The following VTI1A variants were observed in gnomAD, a reference collection of about 807,000 sequenced individuals.
The protein encoded by VTI1A is vesicle transport through interaction with t-SNAREs 1A, also known as vesicle transport through interaction with t-SNAREs homolog 1A.
VTI1A carries 22 observed loss-of-function variants against 34.9 expected under a neutral mutation model. The observed-to-expected ratio is 0.63, with a 90% CI of 0.45 to 0.90. VTI1A has a LOEUF of 0.90. Among genes scored for constraint, VTI1A ranks in the 40% least tolerant of loss-of-function variants. The pLI, the probability that VTI1A is intolerant of heterozygous loss-of-function variation, is 0.00. For synonymous variants in VTI1A, 87 were observed against 97.3 expected (o/e 0.89, Z 0.62); for missense variants, 268 against 275.6 (o/e 0.97, Z 0.20).
At chr10:112,737,183 G>A (rs1850515231) in intron 7 of VTI1A, 8 of 395,936 alleles carry the variant, frequency 2.0e-5, no homozygotes, top group Non-Finnish European at 2.9e-5. Context: ...CGATTCTCTT[G>A]CCTCAGCCTC....
At chr10:112,610,587 C>T (rs376612444) in intron 5 of VTI1A, among the ~76,000 whole-genome samples, 1 of 152,138 alleles carries the variant, frequency 6.6e-6, no homozygotes, top group South Asian at 2.1e-4. Flanking sequence ...GCTTTGATAG[C>T]TTATTACTCA....
rs372188173 is a variant in VTI1A at position 112,736,111 on chromosome 10, G to GTATATATATATA, written c.560+67129_560+67140dup. Among the ~76,000 whole-genome samples, 553 of 116,144 alleles carry GTATATATATATA rather than the reference G, an allele frequency of 4.8e-3. 5 individuals are homozygous for GTATATATATATA. Among genetic ancestry groups the GTATATATATATA allele is most frequent in the East Asian group, 0.02 (83 of 4,178 alleles). 76.2% of individuals were successfully genotyped at this position (116,144 alleles called of 152,430 possible). A position where few individuals can be genotyped will look rare whatever the true frequency, so the allele number is the denominator to read the frequency against. ...ATATTTTACATATATATGTGTGTGT[G>GTATATATATATA]TATATATATATATATATATATATAT... On this transcript the variant is annotated intron_variant, in intron 7 of 7. Coordinates refer to ENST00000393077, the MANE Select transcript of VTI1A (RefSeq NM_145206.4).
intron 7 of VTI1A, among the ~76,000 whole-genome samples, chr10:112,677,107 G>A (rs1051992253): frequency 3.9e-5 from 6 of 152,288 alleles, no homozygotes; most frequent in Admixed American, 2.6e-4. Context: ...TGATGTTCTA[G>A]ACATGAGAAC....
chr10:112,653,825 A>G (rs1847127228), intron 5 of VTI1A, among the ~76,000 whole-genome samples: 1 of 152,150 alleles, frequency 6.6e-6, no homozygotes, highest in African/African-American at 2.4e-5. Flanking sequence ...GTTTCAACCT[A>G]CGTGCTTGTT....
intron 5 of VTI1A, among the ~76,000 whole-genome samples, chr10:112,623,233 T>C (rs147807362): frequency 1.2e-4 from 19 of 152,310 alleles, no homozygotes; most frequent in African/African-American, 4.3e-4. Flanking sequence ...TTTATCCTTC[T>C]TAAGTAAACA....
chr10:112,527,222 C>G, intron 4 of VTI1A, 58 bp downstream of exon 4: 1 of 1,476,280 alleles, frequency 6.8e-7, no homozygotes, highest in East Asian at 2.3e-5. Context: ...AGGTCACTGG[C>G]GCACTGGGCT....
intron 2 of VTI1A, among the ~76,000 whole-genome samples, chr10:112,460,915 C>G (rs932213057): frequency 6.6e-6 from 1 of 152,142 alleles, no homozygotes; most frequent in Non-Finnish European, 1.5e-5. Context: ...ATTTAATTTT[C>G]TCAATAACCA....
At chr10:112,576,187 A>C (rs1843705275) in intron 5 of VTI1A, among the ~76,000 whole-genome samples, 1 of 148,452 alleles carries the variant, frequency 6.7e-6, no homozygotes, top group East Asian at 2.0e-4. Context: ...CGCCCGGCTA[A>C]TTTTTTGTGT....
At position 112,673,420 on chromosome 10, in the gene VTI1A, G is replaced by A. The variant is rs192144274; in HGVS notation, c.560+4422G>A. ...AAATCAAATAATTTCCTCTCTCCCC[G>A]ACACTACCTATATTTGCCCCCATTC... On this transcript the variant is annotated intron_variant, in intron 7 of 7. Transcript: ENST00000393077. Among the ~76,000 whole-genome samples, 133 of 151,498 alleles carry A rather than the reference G, an allele frequency of 8.8e-4. 1 individual carries two copies. The highest frequency in any genetic ancestry group is 3.0e-3 in the African/African-American group (124 of 41,316).
intron 5 of VTI1A, among the ~76,000 whole-genome samples, chr10:112,579,117 G>GATGCCGTATCCCAGTACCCTT (rs1589929197): frequency 1.3e-5 from 2 of 152,342 alleles, no homozygotes; most frequent in East Asian, 3.9e-4. Flanking sequence ...ACACTTAAGA[G>GATGCCGTATCCCAGTACCCTT]ATGCCGTATC....
intron 7 of VTI1A, among the ~76,000 whole-genome samples, chr10:112,680,609 A>G (rs932015085): frequency 1.3e-5 from 2 of 152,098 alleles, no homozygotes; most frequent in Non-Finnish European, 2.9e-5. Context: ...TCAAAACTCT[A>G]CTCCTAGGTA....
At chr10:112,595,553 A>G (rs1055189730) in intron 5 of VTI1A, among the ~76,000 whole-genome samples, 1 of 152,264 alleles carries the variant, frequency 6.6e-6, no homozygotes, top group Admixed American at 6.5e-5. Context: ...CAAAAGACAC[A>G]TGAAAAAATG....
intron 3 of VTI1A, among the ~76,000 whole-genome samples, chr10:112,511,245 GTT>G (rs765282385): frequency 7.0e-6 from 1 of 142,468 alleles, no homozygotes; most frequent in African/African-American, 2.6e-5. Flanking sequence ...TACATGTGAG[GTT>G]TTTTTTTTTT....
chr10:112,770,406 T>C (rs879726892), intron 7 of VTI1A, among the ~76,000 whole-genome samples: 2 of 151,970 alleles, frequency 1.3e-5, no homozygotes, highest in African/African-American at 4.8e-5. Flanking sequence ...TTTTCTTTTT[T>C]TTTTTTTGAG....
the VTI1A span, among the ~76,000 whole-genome samples, chr10:112,839,128 G>C: frequency 6.6e-6 from 1 of 152,226 alleles, no homozygotes; most frequent in Non-Finnish European, 1.5e-5. Flanking sequence ...CTCAAGAGCA[G>C]GAAGAGCAGA....
chr10:112,782,538 C>A (rs1011792318), intron 7 of VTI1A, among the ~76,000 whole-genome samples: 1 of 152,220 alleles, frequency 6.6e-6, no homozygotes, highest in African/African-American at 2.4e-5. Flanking sequence ...TAAAGAGCAG[C>A]TTGTAGTTGA....
At chr10:112,522,419 G>A (rs1850059529) in intron 3 of VTI1A, among the ~76,000 whole-genome samples, 1 of 152,042 alleles carries the variant, frequency 6.6e-6, no homozygotes, top group Admixed American at 6.6e-5. Context: ...ACTGCACTCT[G>A]TATCAATTAT....
At chr10:112,477,987 C>G (rs1380302115) in intron 3 of VTI1A, among the ~76,000 whole-genome samples, 14 of 152,046 alleles carry the variant, frequency 9.2e-5, no homozygotes, top group African/African-American at 2.9e-4. Flanking sequence ...TAGCATCTTG[C>G]AGATTTATAT....
At chr10:112,531,995 G>T (rs1850462379) in intron 4 of VTI1A, among the ~76,000 whole-genome samples, 1 of 152,006 alleles carries the variant, frequency 6.6e-6, no homozygotes, top group Non-Finnish European at 1.5e-5. Flanking sequence ...TAAAAATAAA[G>T]AAAGCTTCTT....
Sources: allele counts gnomAD v4.1 joint callset (sites outside exome capture counted in the v4.1 genomes callset), GRCh38; gene constraint gnomAD v4.1.1; transcripts MANE v1.5; gene names NCBI Gene and HGNC (gene_info 2026-07-23, HGNC 2026-07-21).